The following CFAP52 variants were observed in gnomAD, a reference collection of about 807,000 sequenced individuals.
The protein encoded by CFAP52 is cilia and flagella associated protein 52, also known as cilia- and flagella-associated protein 52.
CFAP52 carries 57 observed loss-of-function variants against 70.5 expected under a neutral mutation model. The observed-to-expected ratio is 0.81, with a 90% CI of 0.65 to 1.01. The LOEUF (loss-of-function observed/expected upper bound fraction) is 1.01. Ranked by LOEUF, CFAP52 falls within the 50% of genes least tolerant of loss-of-function variation. The probability of loss-of-function intolerance (pLI) is 0.00; values close to 1 mark genes in which losing one functional copy is unlikely to be tolerated. For synonymous variants in CFAP52, 267 were observed against 292.5 expected (o/e 0.91, Z 0.89); for missense variants, 785 against 788.5 (o/e 1.00, Z 0.05).
At chr17:9,643,736 C>T (rs1392003856), downstream of CFAP52, among the ~76,000 whole-genome samples, 1 of 152,196 alleles carries the variant, frequency 6.6e-6, no homozygotes, top group Non-Finnish European at 1.5e-5. Context: ...ACTAAAGCAT[C>T]GGCAGAATTC....
chr17:9,595,699 T>A (rs966413212), intron 4 of CFAP52, among the ~76,000 whole-genome samples: 3 of 152,104 alleles, frequency 2.0e-5, no homozygotes, highest in Non-Finnish European at 4.4e-5. Flanking sequence ...CTGGTTTGAT[T>A]TCATGTGACA....
chr17:9,630,870 C>A (rs932526210), intron 9 of CFAP52, among the ~76,000 whole-genome samples: 3 of 149,746 alleles, frequency 2.0e-5, no homozygotes, highest in African/African-American at 7.4e-5. Context: ...CCTGTAGTCC[C>A]AGCTACCCGG....
intron 9 of CFAP52, among the ~76,000 whole-genome samples, chr17:9,629,909 C>G (rs1190192068): frequency 2.0e-5 from 3 of 151,870 alleles, no homozygotes; most frequent in Non-Finnish European, 4.4e-5. Flanking sequence ...CTTTTCTTGG[C>G]CCTGTCTTCT....
At chr17:9,587,739 A>C (rs1270065893) in intron 3 of CFAP52, among the ~76,000 whole-genome samples, 2 of 152,050 alleles carry the variant, frequency 1.3e-5, no homozygotes, top group Non-Finnish European at 2.9e-5. Context: ...AAATTTATTT[A>C]AGTTCTGTAT....
intron 2 of CFAP52, 45 bp from the exon 3 acceptor site, chr17:9,586,653 C>A (rs1339403706): frequency 1.3e-6 from 2 of 1,550,514 alleles, no homozygotes; most frequent in Non-Finnish European, 8.7e-7. Flanking sequence ...TCCTCAGATG[C>A]TTTTAATGCC....
chr17:9,583,342 C>T (rs1225767015), intron 1 of CFAP52, among the ~76,000 whole-genome samples: 2 of 151,920 alleles, frequency 1.3e-5, no homozygotes, highest in South Asian at 2.1e-4. Flanking sequence ...CATTTAGCTA[C>T]AGGAATCACA....
intron 6 of CFAP52, among the ~76,000 whole-genome samples, chr17:9,603,241 C>T (rs1382767763): frequency 6.6e-6 from 1 of 152,198 alleles, no homozygotes. Context: ...CAGAGTCTCG[C>T]TCTGTCGCCC....
At chr17:9,616,006 C>T (rs565667199) in intron 8 of CFAP52, among the ~76,000 whole-genome samples, 6 of 151,122 alleles carry the variant, frequency 4.0e-5, no homozygotes, top group South Asian at 4.2e-4. Context: ...CCAAGATGGC[C>T]GAATAGGAAC....
intron 12 of CFAP52, among the ~76,000 whole-genome samples, chr17:9,641,273 G>C (rs992940458): frequency 6.6e-6 from 1 of 152,182 alleles, no homozygotes; most frequent in Non-Finnish European, 1.5e-5. Context: ...GTGAGGAAGA[G>C]GGAGGGCGCA....
At chr17:9,607,311 A>G (rs1909528143) in intron 6 of CFAP52, among the ~76,000 whole-genome samples, 1 of 152,244 alleles carries the variant, frequency 6.6e-6, no homozygotes, top group Non-Finnish European at 1.5e-5. Context: ...ATGCCACTGC[A>G]CTCCAGTCTG....
chr17:9,587,021 C>T (rs947225127), intron 3 of CFAP52, among the ~76,000 whole-genome samples, 187 bp downstream of exon 3: 1 of 152,100 alleles, frequency 6.6e-6, no homozygotes, highest in African/African-American at 2.4e-5. Flanking sequence ...CTCCCTCTCC[C>T]ACCCTCCACC....
rs113052016 is a variant in CFAP52 at position 9,611,192 on chromosome 17, A to G, written c.855-1117A>G. Among the ~76,000 whole-genome samples, 121 of 152,136 alleles carry G rather than the reference A, an allele frequency of 8.0e-4. 1 individual carries two copies. The highest frequency in any genetic ancestry group is 2.8e-3 in the African/African-American group (115 of 41,478). ...CTGCGTTGAATTCTTCATTGTCTAA[A>G]CTAAACTAGTTACAGAGAGAGTCTG... On this transcript the variant is annotated intron_variant, in intron 7 of 13. Transcript: ENST00000352665.
chr17:9,632,760 T>G, intron 9 of CFAP52, 128 bp from the exon 10 acceptor site: 3 of 1,348,830 alleles, frequency 2.2e-6, no homozygotes, highest in Non-Finnish European at 3.0e-6. Context: ...AGCATTCAGC[T>G]GAGCTGGTCT....
At chr17:9,629,250 G>C (rs1156326894) in intron 9 of CFAP52, among the ~76,000 whole-genome samples, 1 of 152,068 alleles carries the variant, frequency 6.6e-6, no homozygotes, top group Non-Finnish European at 1.5e-5. Flanking sequence ...TATAGGCAGC[G>C]TGATATTCCA....
intron 1 of CFAP52, among the ~76,000 whole-genome samples, 173 bp from the exon 2 acceptor site, chr17:9,585,600 G>A (rs1908426757): frequency 2.6e-5 from 1 of 38,818 alleles, no homozygotes; most frequent in African/African-American, 1.2e-4. Flanking sequence ...GAACCCAGGA[G>A]GTGAAGGTTG....
chr17:9,593,215 T>G (rs1394853353), intron 3 of CFAP52, among the ~76,000 whole-genome samples: 1 of 152,066 alleles, frequency 6.6e-6, no homozygotes, highest in African/African-American at 2.4e-5. Flanking sequence ...CTCCCCAGCA[T>G]TTTTTTGTAT....
chr17:9,612,093 A>C (rs1216686065), intron 7 of CFAP52, among the ~76,000 whole-genome samples: 1 of 152,166 alleles, frequency 6.6e-6, no homozygotes, highest in East Asian at 1.9e-4. Context: ...CTCACTGAAG[A>C]AGCTTTCCTG....
chr17:9,594,075 C>T (rs1310861791), intron 3 of CFAP52, 118 bp from the exon 4 acceptor site: 2 of 1,401,372 alleles, frequency 1.4e-6, no homozygotes, highest in South Asian at 1.6e-5. Context: ...TTTTGTTGTT[C>T]GTTTTTAAGT....
At chr17:9,611,133 C>G (rs984066245) in intron 7 of CFAP52, among the ~76,000 whole-genome samples, 26 of 152,326 alleles carry the variant, frequency 1.7e-4, no homozygotes, top group African/African-American at 6.0e-4. Flanking sequence ...CTCTAAAACA[C>G]TGTATTTCCC....
Sources: gnomAD v4.1 joint callset for allele counts (sites outside exome capture counted in the v4.1 genomes callset) on GRCh38, gnomAD v4.1.1 for gene constraint, MANE v1.5 for transcripts, NCBI Gene and HGNC (gene_info 2026-07-23, HGNC 2026-07-21) for gene names.